Variants in SVOP observed in about 807,000 individuals in gnomAD.
SVOP encodes the protein SV2 related protein.
A neutral mutation model predicts 69.1 loss-of-function variants in SVOP; 17 were observed. The ratio of observed to expected loss-of-function variants is 0.25; its 90% CI spans 0.17 to 0.37. The LOEUF is 0.37. Ranked by LOEUF, SVOP falls within the 10% of genes least tolerant of loss-of-function variation. The pLI is 1.00. For missense variants in SVOP, 435 were observed against 597.5 expected, an observed-to-expected ratio of 0.73 and a Z score of 2.84; for synonymous variants, 238 against 238.6, an observed-to-expected ratio of 1.00 and a Z score of 0.02.
At chr12:109,008,508 C>A (rs909247459) in intron 1 of SVOP, among the ~76,000 whole-genome samples, 1 of 152,014 alleles carries the variant, frequency 6.6e-6, no homozygotes, top group Non-Finnish European at 1.5e-5. Context: ...TTCTGCCATC[C>A]CCGTCAACCT....
chr12:108,969,474 T>C (rs578212399), intron 5 of SVOP, among the ~76,000 whole-genome samples: 43 of 151,590 alleles, frequency 2.8e-4, no homozygotes, highest in African/African-American at 1.0e-3. Context: ...CTTACAGGCA[T>C]GCGCCACCAT....
In SVOP at chr12:108,910,460, A is replaced by G. The variant is rs554991772; in HGVS notation, c.*2075T>C. 6 of 152,390 alleles carry G rather than the reference A, an allele frequency of 3.9e-5. No individual in the cohort carries two copies. Among genetic ancestry groups the G allele is most frequent in the East Asian group, 1.9e-4 (1 of 5,188 alleles). The allele number at this position is 152,390 out of a possible 1,614,324, so 9.4% of individuals were successfully genotyped here. ...CAGCCGGAAGGCAAAAGAGACAAGC[A>G]AAAGTTCTGTGTTACCCAGGAGAGC... On this transcript the variant is annotated 3_prime_UTR_variant, in exon 16 of 16. Transcript: ENST00000610966.
chr12:108,986,785 G>T (rs1049255575), intron 1 of SVOP, among the ~76,000 whole-genome samples: 1 of 151,874 alleles, frequency 6.6e-6, no homozygotes, highest in Non-Finnish European at 1.5e-5. Flanking sequence ...GGGAGGGGGG[G>T]GTCTTTATAG....
intron 9 of SVOP, 137 bp from the exon 10 acceptor site, chr12:108,937,474 A>G: frequency 2.4e-6 from 2 of 844,258 alleles, no homozygotes; most frequent in Non-Finnish European, 4.0e-6. Context: ...CTGAGAACCC[A>G]GGTCTCAAAT....
intron 11 of SVOP, among the ~76,000 whole-genome samples, chr12:108,931,678 C>CA (rs1194818247): frequency 1.3e-5 from 2 of 151,908 alleles, no homozygotes; most frequent in African/African-American, 2.4e-5. Flanking sequence ...CTAAAAAATA[C>CA]AAAAAATTAG....
chr12:108,908,112 A>C lies in SVOP; in HGVS notation c.*4423T>G, dbSNP rs139120881. ...GCAGCTGAGTCAGGTATGTTTGCAG[A>C]GCTGGGTTATGAGGCTATGGAAGCT... On this transcript the variant is annotated 3_prime_UTR_variant, in exon 16 of 16. Coordinates refer to ENST00000610966, the MANE Select transcript of SVOP (RefSeq NM_018711.5). The C allele has an allele frequency of 6.6e-6, 1 of 152,408 alleles. No homozygotes were observed. Among genetic ancestry groups the C allele is most frequent in the Non-Finnish European group, 1.5e-5 (1 of 68,080 alleles). 9.4% of individuals were successfully genotyped at this position (152,408 alleles called of 1,614,324 possible). A position where few individuals can be genotyped will look rare whatever the true frequency, so the allele number is the denominator to read the frequency against.
At chr12:108,953,540 G>A (rs924336866) in intron 6 of SVOP, among the ~76,000 whole-genome samples, 2 of 152,166 alleles carry the variant, frequency 1.3e-5, no homozygotes, top group East Asian at 1.9e-4. Flanking sequence ...TTTTTCATCT[G>A]GTTTTATGAG....
At chr12:108,924,015 G>T (rs1004866363) in intron 11 of SVOP, among the ~76,000 whole-genome samples, 1 of 152,148 alleles carries the variant, frequency 6.6e-6, no homozygotes, top group African/African-American at 2.4e-5. Context: ...AAGAGGTAGG[G>T]ACTTTGGGGA....
intron 6 of SVOP, among the ~76,000 whole-genome samples, chr12:108,953,258 C>T (rs2039967473): frequency 6.7e-6 from 1 of 148,482 alleles, no homozygotes; most frequent in East Asian, 2.1e-4. Flanking sequence ...AAGCGATTCT[C>T]CTGCCTCAGC....
intron 1 of SVOP, among the ~76,000 whole-genome samples, chr12:109,008,864 G>A (rs1359460762): frequency 2.0e-5 from 3 of 152,068 alleles, no homozygotes; most frequent in East Asian, 1.9e-4. Flanking sequence ...TCAGCAGAGA[G>A]GAGTGGGTTA....
chr12:108,951,325 T>C (rs1013769952), intron 6 of SVOP, among the ~76,000 whole-genome samples: 1 of 152,230 alleles, frequency 6.6e-6, no homozygotes, highest in Admixed American at 6.5e-5. Context: ...TGGCGCCCTC[T>C]ACTGGAGGTA....
At chr12:108,988,443 G>A (rs2040178486) in intron 1 of SVOP, among the ~76,000 whole-genome samples, 1 of 151,976 alleles carries the variant, frequency 6.6e-6, no homozygotes, top group Non-Finnish European at 1.5e-5. Flanking sequence ...TTCACATACG[G>A]ACATCCAATG....
At chr12:108,986,994 T>A (rs1371611106) in intron 1 of SVOP, among the ~76,000 whole-genome samples, 1 of 152,192 alleles carries the variant, frequency 6.6e-6, no homozygotes, top group East Asian at 1.9e-4. Flanking sequence ...TGGTAAAATA[T>A]ACATGCCATA....
intron 1 of SVOP, among the ~76,000 whole-genome samples, chr12:108,989,565 G>C (rs2040187062): frequency 6.6e-6 from 1 of 152,144 alleles, no homozygotes; most frequent in Non-Finnish European, 1.5e-5. Context: ...GGGCTGGGCT[G>C]TTACACCCTC....
intron 2 of SVOP, among the ~76,000 whole-genome samples, chr12:108,979,163 AAAAAATTATATGAG>A (rs2040122995): frequency 6.6e-6 from 1 of 152,212 alleles, no homozygotes; most frequent in Non-Finnish European, 1.5e-5. Flanking sequence ...GGGAGGAAGG[AAAAAATTATATGAG>A]AATTAACTTT....
intron 6 of SVOP, among the ~76,000 whole-genome samples, chr12:108,946,078 G>C (rs1373246712): frequency 6.6e-6 from 1 of 152,124 alleles, no homozygotes. Context: ...CACTGTGATG[G>C]TAACAAATGG....
intron 7 of SVOP, 135 bp from the exon 8 acceptor site, chr12:108,941,044 T>C: frequency 7.8e-7 from 1 of 1,275,892 alleles, no homozygotes; most frequent in Non-Finnish European, 1.1e-6. Flanking sequence ...TAGCCACACT[T>C]TCCCTGTGGT....
chr12:108,941,452 C>T (rs1404544771), intron 7 of SVOP, among the ~76,000 whole-genome samples: 6 of 152,152 alleles, frequency 3.9e-5, no homozygotes, highest in Non-Finnish European at 8.8e-5. Flanking sequence ...CTGGGCTCCT[C>T]GGCCTCCCAA....
intron 6 of SVOP, among the ~76,000 whole-genome samples, chr12:108,957,530 G>A (rs1426089790): frequency 6.6e-6 from 1 of 152,154 alleles, no homozygotes; most frequent in African/African-American, 2.4e-5. Context: ...GAAATGAACA[G>A]GCAAGAAAAA....
Sources: gnomAD v4.1 joint callset for allele counts (sites outside exome capture counted in the v4.1 genomes callset) on GRCh38, gnomAD v4.1.1 for gene constraint, MANE v1.5 for transcripts, NCBI Gene and HGNC (gene_info 2026-07-23, HGNC 2026-07-21) for gene names.